Variants in BIN3 observed in about 807,000 individuals in gnomAD.
BIN3 encodes the protein bridging integrator 3.
Under a neutral mutation model 38.2 loss-of-function variants are expected in BIN3, and 41 were observed. The ratio of observed to expected loss-of-function variants is 1.07; its 90% CI spans 0.84 to 1.39. BIN3 has a LOEUF of 1.39. BIN3 is among the 40% of genes most tolerant of loss of function. The pLI is 0.00. For synonymous variants in BIN3, 145 were observed against 122.6 expected, an observed-to-expected ratio of 1.18 and a Z score of -1.21; for missense variants, 361 against 324.3, an observed-to-expected ratio of 1.11 and a Z score of -0.87.
At chr8:22,628,932 G>A (rs746637926) in intron 6 of BIN3, among the ~76,000 whole-genome samples, 9 of 152,214 alleles carry the variant, frequency 5.9e-5, no homozygotes, top group Middle Eastern at 3.2e-3. Context: ...CAGCAGGCAG[G>A]GGGTGGTGGA....
At chr8:22,627,163 T>G (rs1275625287) in intron 6 of BIN3, among the ~76,000 whole-genome samples, 1 of 152,116 alleles carries the variant, frequency 6.6e-6, no homozygotes, top group East Asian at 1.9e-4. Context: ...TGGAGGTGAT[T>G]GCTGATAAAT....
intron 1 of BIN3, among the ~76,000 whole-genome samples, chr8:22,651,083 C>A (rs1422653182): frequency 6.6e-6 from 1 of 152,188 alleles, no homozygotes. Flanking sequence ...CTATGCCACT[C>A]CCAAATTCCT....
chr8:22,641,214 C>T (rs1304984906), intron 2 of BIN3, among the ~76,000 whole-genome samples: 1 of 152,286 alleles, frequency 6.6e-6, no homozygotes, highest in East Asian at 1.9e-4. Context: ...AACACATGTG[C>T]ACGGACCATC....
intron 1 of BIN3, among the ~76,000 whole-genome samples, chr8:22,646,646 A>C (rs1340105908): frequency 2.6e-5 from 4 of 152,212 alleles, no homozygotes; most frequent in Non-Finnish European, 1.5e-5. Context: ...CATCTTCTGT[A>C]AACAAATAAA....
At chr8:22,636,019 T>C (rs1002883155) in intron 4 of BIN3, among the ~76,000 whole-genome samples, 1 of 152,132 alleles carries the variant, frequency 6.6e-6, no homozygotes, top group Admixed American at 6.5e-5. Flanking sequence ...TGGCCCCCAC[T>C]TCCCAAGGAC....
intron 8 of BIN3, 112 bp downstream of exon 8, chr8:22,623,803 T>G (rs1801918326): frequency 1.5e-6 from 2 of 1,330,446 alleles, no homozygotes; most frequent in Non-Finnish European, 2.0e-6. Flanking sequence ...TTGCCTGGGG[T>G]GGGTGCCCTG....
In BIN3 at chr8:22,630,010, A is replaced by C. The variant is rs774422889; in HGVS notation, c.298-6T>G. 127 of 1,608,330 alleles carry C rather than the reference A, an allele frequency of 7.9e-5. No individual in the cohort carries two copies. Among genetic ancestry groups the C allele is most frequent in the Middle Eastern group, 4.9e-4 (3 of 6,080 alleles). On this transcript the variant is annotated splice_region_variant and splice_polypyrimidine_tract_variant and intron_variant, in intron 5 of 8. Coordinates refer to ENST00000276416, the MANE Select transcript of BIN3 (RefSeq NM_018688.6). ...GTCTTCTGGATCTGGTTCACCTGTC[A>C]AAGAAAAACCCAAAGACATTAAAAC...
At chr8:22,636,614 G>A (rs1442305518) in intron 3 of BIN3, 28 bp from the exon 4 acceptor site, 15 of 1,550,050 alleles carry the variant, frequency 9.7e-6, no homozygotes, top group African/African-American at 1.4e-5. Flanking sequence ...GGCTGCTTGG[G>A]GTCCCCTTCC....
intron 2 of BIN3, among the ~76,000 whole-genome samples, chr8:22,637,855 A>G (rs1802422832): frequency 6.6e-6 from 1 of 152,290 alleles, no homozygotes; most frequent in Admixed American, 6.5e-5. Flanking sequence ...GCTAACTCAC[A>G]TTCACAGAGC....
At chr8:22,643,381 A>G (rs2117555023) in intron 2 of BIN3, among the ~76,000 whole-genome samples, 1 of 152,148 alleles carries the variant, frequency 6.6e-6, no homozygotes, top group Admixed American at 6.5e-5. Context: ...CCTAGGGTGG[A>G]GTGCAGTGGT....
intron 4 of BIN3, among the ~76,000 whole-genome samples, chr8:22,633,557 A>C (rs1198181204): frequency 6.6e-6 from 1 of 152,196 alleles, no homozygotes; most frequent in Non-Finnish European, 1.5e-5. Context: ...AAGTAGTATG[A>C]GTTTCTGAAA....
rs1585193681 is a variant in BIN3 at position 22,644,785 on chromosome 8, C to T, written c.27G>A (p.Gly9=). Residue 9 remains glycine, a synonymous_variant, in exon 2 of 9, where the codon GGG becomes GGA. Transcript: ENST00000276416. ...TGGGCACAATCTGTTTCTTGGGCTG[C>T]CCAATCTTAAAAGGAATCCTATAAG... The part of the protein sequence containing the change: MSWIPFKI[G]QPKKQIVPKT... The T allele has an allele frequency of 6.2e-7, 1 of 1,611,324 alleles. No homozygotes were observed. The highest frequency in any genetic ancestry group is 1.1e-5 in the South Asian group (1 of 90,378).
intron 1 of BIN3, among the ~76,000 whole-genome samples, chr8:22,656,797 TTTG>T (rs1803070684): frequency 6.6e-6 from 1 of 152,242 alleles, no homozygotes; most frequent in African/African-American, 2.4e-5. Flanking sequence ...AGATGACCAG[TTTG>T]TTCTCCTATA....
rs35060338 is a variant in BIN3 at position 22,663,440 on chromosome 8, T to TAAA, written c.8+5601_8+5603dup. Among the ~76,000 whole-genome samples the TAAA allele has an allele frequency of 5.8e-4, 74 of 128,668 alleles. 1 individual carries two copies. The highest frequency in any genetic ancestry group is 7.9e-3 in the Middle Eastern group (2 of 254). The allele number at this position is 128,668 out of a possible 152,430, so 84.4% of individuals were successfully genotyped here. ...CAACAGTGAGACCCCCCGATTTGTT[T>TAAA]AAAAAAAAAAAAAAAAAAAAAAGGA... is the stretch of plus-strand genomic sequence containing the variant. On this transcript the variant is annotated intron_variant, in intron 1 of 8. Coordinates refer to ENST00000276416, the MANE Select transcript of BIN3 (RefSeq NM_018688.6).
intron 1 of BIN3, among the ~76,000 whole-genome samples, chr8:22,648,930 TGTATGTATGTAA>T (rs1802796229): frequency 7.6e-6 from 1 of 130,858 alleles, no homozygotes; most frequent in Admixed American, 8.3e-5. Flanking sequence ...TATGTATGTA[TGTATGTATGTAA>T]GTGTGTGTGT....
rs750562756 is a variant in BIN3, at chr8:22,636,969, CGA to C, written c.58-9_58-8del. On this transcript the variant is annotated splice_polypyrimidine_tract_variant and splice_region_variant and intron_variant, in intron 2 of 8. Transcript: ENST00000276416. ...TTTCAAAGTCTCTCTCCACCTGAAA[CGA>C]GAGAGATAACTCAATTATCGGAGAA... 6.8e-6 allele frequency: 11 copies of C among 1,611,952 alleles called. No homozygotes were observed. In the South Asian group the frequency reaches 7.7e-5, roughly 11 times the overall value.
rs933831298 is a variant in BIN3, at chr8:22,620,489, A to G, written c.*933T>C. 7.3e-6 allele frequency: 1 copy of G among 137,084 alleles called. No homozygotes were observed. The highest frequency in any genetic ancestry group is 8.7e-5 in the Admixed American group (1 of 11,434). The allele number at this position is 137,084 out of a possible 1,614,324, so 8.5% of individuals were successfully genotyped here. A position where few individuals can be genotyped will look rare whatever the true frequency, so the allele number is the denominator to read the frequency against. On this transcript the variant is annotated 3_prime_UTR_variant, in exon 9 of 9. Transcript: ENST00000276416. ...AAAACAAACTGAGAGTGTGTCCTCC[A>G]CAGCTCTTCCTACTCTCCTAGGCTT...
intron 6 of BIN3, chr8:22,624,696 G>A (rs1801952927): frequency 1.8e-5 from 5 of 275,368 alleles, no homozygotes; most frequent in Middle Eastern, 1.1e-3. Flanking sequence ...GGTGGCCCAG[G>A]AATGAAGGGT....
rs544035599 is a variant in BIN3, at chr8:22,623,366, G to A, written c.615+549C>T. Among the ~76,000 whole-genome samples the A allele has an allele frequency of 5.9e-5, 9 of 152,288 alleles. No homozygotes were observed. The East Asian group carries it at 1.2e-3, about 20-fold the overall frequency. On this transcript the variant is annotated intron_variant, in intron 8 of 8. Transcript: ENST00000276416. ...GTCTGACCCCCAGTGGCGCCCCCAT[G>A]CCTCCAGGCCTGCCTTTCCACCCCA...
Sources: allele counts gnomAD v4.1 joint callset (sites outside exome capture counted in the v4.1 genomes callset), GRCh38; gene constraint gnomAD v4.1.1; transcripts MANE v1.5; gene names NCBI Gene and HGNC (gene_info 2026-07-23, HGNC 2026-07-21).